RABEP1: variants seen among roughly 807,000 people sequenced by gnomAD.
RABEP1 encodes rab GTPase-binding effector protein 1.
A neutral mutation model predicts 123.4 loss-of-function variants in RABEP1; 51 were observed. The ratio of observed to expected loss-of-function variants is 0.41; its 90% CI spans 0.33 to 0.52. RABEP1 has a LOEUF of 0.52. RABEP1 is among the 20% of genes least tolerant of loss of function. The pLI is 0.16. For synonymous variants in RABEP1, 347 were observed against 355.2 expected (o/e 0.98, Z 0.26); for missense variants, 888 against 996.3 (o/e 0.89, Z 1.46).
At chr17:5,326,899 G>A (rs1469095674) in intron 2 of RABEP1, among the ~76,000 whole-genome samples, 4 of 152,158 alleles carry the variant, frequency 2.6e-5, no homozygotes, top group South Asian at 2.1e-4. Context: ...TTGTGCGAAC[G>A]CGGAATGTAC....
intron 17 of RABEP1, among the ~76,000 whole-genome samples, chr17:5,382,530 C>T (rs571163670): frequency 3.3e-5 from 5 of 151,384 alleles, no homozygotes; most frequent in Admixed American, 6.6e-5. Flanking sequence ...GGATGGATTA[C>T]CTGAGGTCAG....
intron 8 of RABEP1, among the ~76,000 whole-genome samples, chr17:5,358,674 A>G (rs1022667520): frequency 4.2e-5 from 6 of 144,294 alleles, no homozygotes; most frequent in African/African-American, 1.6e-4. Flanking sequence ...GTCTCCAGGA[A>G]AAAAAAAAAA....
chr17:5,284,380 G>C (rs772253142), intron 1 of RABEP1, among the ~76,000 whole-genome samples: 3 of 152,146 alleles, frequency 2.0e-5, no homozygotes, highest in Non-Finnish European at 2.9e-5. Context: ...AGGTAGCCAT[G>C]GCTACTTTTT....
intron 13 of RABEP1, among the ~76,000 whole-genome samples, chr17:5,376,033 T>C (rs1183471936): frequency 6.6e-6 from 1 of 152,096 alleles, no homozygotes; most frequent in Non-Finnish European, 1.5e-5. Context: ...CCACCATGTC[T>C]GGCTACCATG....
In RABEP1 at chr17:5,378,042, A is replaced by G. The variant is rs867696565; in HGVS notation, c.2216-135A>G. ...TAAATATGCTGATTGCTTGGTGGTAATTTTGAGACAGCCCCCGGAACCCAT... is the reference window on the plus strand; with the variant it reads ...TAAATATGCTGATTGCTTGGTGGTAGTTTTGAGACAGCCCCCGGAACCCAT... On this transcript the variant is annotated intron_variant, in intron 14 of 17. Coordinates refer to ENST00000537505, the MANE Select transcript of RABEP1 (RefSeq NM_004703.6). The G allele has an allele frequency of 5.5e-5, 35 of 640,916 alleles. No homozygotes were observed. In the African/African-American group the frequency reaches 5.9e-4, roughly 11 times the overall value. The allele number at this position is 640,916 out of a possible 1,614,324, so 39.7% of individuals were successfully genotyped here.
In RABEP1 at chr17:5,282,355, C is replaced by A. The variant is rs1292575635; in HGVS notation, c.-132C>A. The A allele has an allele frequency of 2.9e-6, 2 of 695,900 alleles. No individual in the cohort carries two copies. Among genetic ancestry groups the A allele is most frequent in the African/African-American group, 1.9e-5 (1 of 53,378 alleles). The allele number at this position is 695,900 out of a possible 1,614,324, so 43.1% of individuals were successfully genotyped here. On this transcript the variant is annotated 5_prime_UTR_variant, in exon 1 of 18. Transcript: ENST00000537505. ...GCGGCTGTGGCGGCGCCGGCGGATCCAGCCTTAGCGGTTTCTCTCTGGGCG... is the reference window on the plus strand; with the variant it reads ...GCGGCTGTGGCGGCGCCGGCGGATCAAGCCTTAGCGGTTTCTCTCTGGGCG...
intron 2 of RABEP1, among the ~76,000 whole-genome samples, chr17:5,327,986 T>C (rs946393848): frequency 6.6e-6 from 1 of 152,208 alleles, no homozygotes; most frequent in Non-Finnish European, 1.5e-5. Context: ...TCACACCTGA[T>C]ACCTGTGAAC....
At chr17:5,356,928 A>G (rs538387845) in intron 8 of RABEP1, among the ~76,000 whole-genome samples, 5 of 152,038 alleles carry the variant, frequency 3.3e-5, no homozygotes, top group Non-Finnish European at 5.9e-5. Flanking sequence ...CCCAGGCTGG[A>G]GTGCAGTGGC....
rs1396559402 is a variant in RABEP1 at position 5,308,807 on chromosome 17, T to C, written c.148T>C (p.Tyr50His). The C allele has an allele frequency of 1.2e-6, 2 of 1,609,514 alleles. No homozygotes were observed. The highest frequency in any genetic ancestry group is 1.1e-5 in the South Asian group (1 of 90,368). ...AAAGAGAGCAAAATTTAAGGAGTTA[T>C]ATTTGGCTAAAGAGGGTAAGTTCAT... Reference protein sequence around the residue: ...NQKRAKFKELYLAKEEDLKRQ... With the variant: ...NQKRAKFKELHLAKEEDLKRQ... The change falls in exon 2 of 18, where the codon TAT (tyrosine) becomes CAT (histidine). Residue 50 changes from tyrosine to histidine, a missense_variant. By Grantham distance (83) the Tyr-to-His change is moderately conservative. Transcript: ENST00000537505.
chr17:5,381,302 C>G (rs1911430435), intron 16 of RABEP1, 87 bp from the exon 17 acceptor site: 36 of 1,545,750 alleles, frequency 2.3e-5, no homozygotes, highest in Non-Finnish European at 2.9e-5. Context: ...CCTTTCTGCC[C>G]TAGTAGTAGG....
At chr17:5,292,492 G>T (rs558028848) in intron 1 of RABEP1, among the ~76,000 whole-genome samples, 8 of 151,874 alleles carry the variant, frequency 5.3e-5, no homozygotes, top group Non-Finnish European at 8.8e-5. Context: ...GGTTCAAGCA[G>T]TTCTGCCTCG....
At chr17:5,330,328 A>C (rs1906412737) in intron 2 of RABEP1, among the ~76,000 whole-genome samples, 1 of 152,204 alleles carries the variant, frequency 6.6e-6, no homozygotes, top group Non-Finnish European at 1.5e-5. Flanking sequence ...ATATTTTAAG[A>C]GTGATGGAAA....
rs190253466 is a variant in RABEP1 at position 5,357,001 on chromosome 17, C to G, written c.1095+2511C>G. ...CAAGCGATTCTCCTGCCTCAGCCTCCTGAGTAGCTGGGATTACAGGCATGA... is the reference window on the plus strand; with the variant it reads ...CAAGCGATTCTCCTGCCTCAGCCTCGTGAGTAGCTGGGATTACAGGCATGA... On this transcript the variant is annotated intron_variant, in intron 8 of 17. Transcript: ENST00000537505. Among the ~76,000 whole-genome samples the G allele has an allele frequency of 1.9e-3, 296 of 152,210 alleles. 1 individual carries two copies. The highest frequency in any genetic ancestry group is 4.1e-3 in the Admixed American group (63 of 15,286).
chr17:5,305,980 G>A (rs929510623), intron 1 of RABEP1, among the ~76,000 whole-genome samples: 1 of 152,040 alleles, frequency 6.6e-6, no homozygotes, highest in South Asian at 2.1e-4. Context: ...ATCCTCTTTC[G>A]GCAATGATTG....
chr17:5,323,748 A>G (rs1304701460), intron 2 of RABEP1, among the ~76,000 whole-genome samples: 1 of 130,076 alleles, frequency 7.7e-6, no homozygotes. Flanking sequence ...AGGAATATAT[A>G]TATATCTAGG....
At chr17:5,321,029 G>T (rs1201755083) in intron 2 of RABEP1, among the ~76,000 whole-genome samples, 1 of 152,216 alleles carries the variant, frequency 6.6e-6, no homozygotes, top group African/African-American at 2.4e-5. Flanking sequence ...ACCCACTTTG[G>T]CTGGGTGCAG....
rs1905641691 is a variant in RABEP1, at chr17:5,323,743, TATATATATATCTAGGA to T, written c.164-8195_164-8180del. 4.6e-5 allele frequency among the ~76,000 whole-genome samples: 6 copies of T among 129,356 alleles called. 1 individual carries two copies. The highest frequency in any genetic ancestry group is 1.5e-4 in the African/African-American group (5 of 34,380). 84.9% of individuals were successfully genotyped at this position (129,356 alleles called of 152,430 possible). On this transcript the variant is annotated intron_variant, in intron 2 of 17. Transcript: ENST00000537505. ...CTAGGAATATATATATATCTAGGAA[TATATATATATCTAGGA>T]ATATATATATATATCTAGGAATATA...
intron 5 of RABEP1, among the ~76,000 whole-genome samples, chr17:5,340,639 T>TAA (rs57830996): frequency 0.43 from 61,105 of 142,516 alleles, 14,136 homozygotes; most frequent in East Asian, 0.78. Context: ...GCCAGATCTT[T>TAA]AAAAAAAAAA....
intron 2 of RABEP1, among the ~76,000 whole-genome samples, chr17:5,312,459 G>T (rs2075253747): frequency 6.6e-6 from 1 of 152,084 alleles, no homozygotes; most frequent in Non-Finnish European, 1.5e-5. Context: ...CCTCATAGAG[G>T]AGTTTTTAAT....
Sources: allele counts gnomAD v4.1 joint callset (sites outside exome capture counted in the v4.1 genomes callset), GRCh38; gene constraint gnomAD v4.1.1; transcripts MANE v1.5; gene names NCBI Gene and HGNC (gene_info 2026-07-23, HGNC 2026-07-21).